TCF7L1: variants seen among roughly 807,000 people sequenced by gnomAD.
TCF7L1 encodes the protein transcription factor 7 like 1.
Under a neutral mutation model 63.7 loss-of-function variants are expected in TCF7L1, and 18 were observed. The ratio of observed to expected loss-of-function variants is 0.28; its 90% CI spans 0.20 to 0.42. The LOEUF is 0.42. Among genes scored for constraint, TCF7L1 ranks in the 10% least tolerant of loss-of-function variants. TCF7L1 has a pLI of 1.00. For missense variants in TCF7L1, 654 were observed against 779.3 expected (o/e 0.84, Z 1.91); for synonymous variants, 355 against 340.9 (o/e 1.04, Z -0.46).
At chr2:85,193,147 C>G (rs897781385) in intron 3 of TCF7L1, among the ~76,000 whole-genome samples, 1 of 152,142 alleles carries the variant, frequency 6.6e-6, no homozygotes, top group Non-Finnish European at 1.5e-5. Context: ...GTAGAGCACT[C>G]AGGCTAAAAT....
chr2:85,163,209 G>A (rs1219931369), intron 3 of TCF7L1, among the ~76,000 whole-genome samples: 6 of 152,126 alleles, frequency 3.9e-5, no homozygotes, highest in Admixed American at 6.5e-5. Context: ...GGCTTTGCTG[G>A]AATTTTCTAA....
chr2:85,243,688 T>C (rs1264374118), intron 3 of TCF7L1, among the ~76,000 whole-genome samples: 1 of 152,036 alleles, frequency 6.6e-6, no homozygotes, highest in Non-Finnish European at 1.5e-5. Context: ...GGGTCTTGGG[T>C]TCTGAGTGGG....
chr2:85,209,793 C>A (rs1184764443), intron 3 of TCF7L1, among the ~76,000 whole-genome samples: 1 of 152,168 alleles, frequency 6.6e-6, no homozygotes, highest in Non-Finnish European at 1.5e-5. Flanking sequence ...GCAGCTATTG[C>A]ATTTCCTGAT....
intron 3 of TCF7L1, among the ~76,000 whole-genome samples, chr2:85,143,684 T>C (rs1292623960): frequency 6.6e-6 from 1 of 152,222 alleles, no homozygotes; most frequent in African/African-American, 2.4e-5. Flanking sequence ...ACCCATGTGA[T>C]TTTACACACA....
At chr2:85,255,885 T>C (rs563883933) in intron 3 of TCF7L1, among the ~76,000 whole-genome samples, 1 of 152,276 alleles carries the variant, frequency 6.6e-6, no homozygotes, top group Admixed American at 6.5e-5. Flanking sequence ...TGTGCGGTGA[T>C]TGACTGGGCT....
intron 4 of TCF7L1, among the ~76,000 whole-genome samples, chr2:85,285,033 A>T (rs1681509296): frequency 6.6e-6 from 1 of 152,198 alleles, no homozygotes; most frequent in African/African-American, 2.4e-5. Context: ...GGAGATCGAT[A>T]CCATCCTGGC....
At position 85,305,148 on chromosome 2, in the gene TCF7L1, G is replaced by GC. The variant is rs138645896; in HGVS notation, c.846-108dup. On this transcript the variant is annotated intron_variant, in intron 7 of 11. Transcript: ENST00000282111. The stretch of plus-strand genomic sequence containing the variant: ...AATAGCCTTCTAGTCCTGAGACTCT[G>GC]CCCCACGGACATGCCTGTGCCCTTA... 2.0e-4 allele frequency: 291 copies of GC among 1,432,694 alleles called. No homozygotes were observed. In the African/African-American group the frequency reaches 3.8e-3, roughly 19 times the overall value. The allele number at this position is 1,432,694 out of a possible 1,614,324, so 88.7% of individuals were successfully genotyped here.
chr2:85,265,408 G>C (rs1210344414), intron 3 of TCF7L1, among the ~76,000 whole-genome samples: 1 of 152,224 alleles, frequency 6.6e-6, no homozygotes, highest in East Asian at 1.9e-4. Flanking sequence ...GTGCCAGTGA[G>C]ATCTGAGAAC....
chr2:85,201,648 C>T (rs968312230), intron 3 of TCF7L1, among the ~76,000 whole-genome samples: 1 of 152,118 alleles, frequency 6.6e-6, no homozygotes, highest in African/African-American at 2.4e-5. Flanking sequence ...TGCGTGGTCA[C>T]TTTATGTTTA....
chr2:85,147,608 C>G (rs1677911268), intron 3 of TCF7L1, among the ~76,000 whole-genome samples: 1 of 152,114 alleles, frequency 6.6e-6, no homozygotes, highest in Non-Finnish European at 1.5e-5. Flanking sequence ...GTGGTCCCAG[C>G]TGGGCCAGGG....
intron 3 of TCF7L1, among the ~76,000 whole-genome samples, chr2:85,137,566 T>C (rs55984939): frequency 0.4 from 61,007 of 152,114 alleles, 12,558 homozygotes; most frequent in Non-Finnish European, 0.43. Context: ...TTTACTAAAC[T>C]ACTTTGGGGC....
chr2:85,221,719 C>CTGTTGCA lies in TCF7L1; in HGVS notation c.442-61774_442-61768dup, dbSNP rs1312203639. 2.0e-5 allele frequency among the ~76,000 whole-genome samples: 3 copies of CTGTTGCA among 152,342 alleles called. No homozygotes were observed. The East Asian group carries it at 5.8e-4, about 29-fold the overall frequency. Reference sequence around the variant, plus strand: ...CTCTTAAAGTTTCCACTTCTCAACACTGTTGCATTATGCATTAAGTTTGCA... The same window carrying CTGTTGCA: ...CTCTTAAAGTTTCCACTTCTCAACACTGTTGCATGTTGCATTATGCATTAAGTTTGCA... On this transcript the variant is annotated intron_variant, in intron 3 of 11. Transcript: ENST00000282111.
chr2:85,308,545 CCTTCCCT>C, intron 11 of TCF7L1, among the ~76,000 whole-genome samples: 1 of 134,336 alleles, frequency 7.4e-6, no homozygotes, highest in South Asian at 2.7e-4. Context: ...CTCCCTTTCT[CCTTCCCT>C]CCCTCCCTAT....
At chr2:85,197,932 C>T (rs1489419797) in intron 3 of TCF7L1, among the ~76,000 whole-genome samples, 1 of 152,110 alleles carries the variant, frequency 6.6e-6, no homozygotes, top group Non-Finnish European at 1.5e-5. Context: ...GTGTTGGGTG[C>T]CTGAGTGAGG....
chr2:85,156,601 T>C lies in TCF7L1; in HGVS notation c.441+22151T>C, dbSNP rs190183768. On this transcript the variant is annotated intron_variant, in intron 3 of 11. Coordinates refer to ENST00000282111, the MANE Select transcript of TCF7L1 (RefSeq NM_031283.3). ...AGTCTTTACGAGCACAGTAACCGTT[T>C]TACAGATGTAAAGAAGCTCAAAAGT... 2.6e-4 allele frequency among the ~76,000 whole-genome samples: 40 copies of C among 152,352 alleles called. No homozygotes were observed. The East Asian group carries it at 7.1e-3, about 27-fold the overall frequency.
chr2:85,278,475 AG>A (rs1681333680), intron 3 of TCF7L1, among the ~76,000 whole-genome samples: 2 of 152,262 alleles, frequency 1.3e-5, no homozygotes, highest in African/African-American at 2.4e-5. Flanking sequence ...ATGACCAAAT[AG>A]GGCTTACCTG....
chr2:85,150,901 C>T (rs76184175), intron 3 of TCF7L1, among the ~76,000 whole-genome samples: 2,817 of 152,266 alleles, frequency 0.019, 29 homozygotes, highest in Non-Finnish European at 0.029. Flanking sequence ...ACAATTTCCA[C>T]TGTGACAGTT....
Position 85,276,880 on chromosome 2 carries a change from C to A in TCF7L1, c.442-6615C>A, listed in dbSNP as rs1681284199. Among the ~76,000 whole-genome samples the A allele has an allele frequency of 2.0e-5, 3 of 152,126 alleles. 1 individual carries two copies. The highest frequency in any genetic ancestry group is 2.0e-4 in the Admixed American group (3 of 15,276). On this transcript the variant is annotated intron_variant, in intron 3 of 11. Transcript: ENST00000282111. ...GCTATGGAAACACCGTGTACCGCTTCTCGAGAGCGACAGACTCATGGAGGC... is the reference window on the plus strand; with the variant it reads ...GCTATGGAAACACCGTGTACCGCTTATCGAGAGCGACAGACTCATGGAGGC...
chr2:85,294,887 A>G lies in TCF7L1; in HGVS notation c.526-7597A>G, dbSNP rs548637080. On this transcript the variant is annotated intron_variant, in intron 4 of 11. Transcript: ENST00000282111. ...ACCTTTACTAAAAATAAAAAAAATT[A>G]GCCGGGCATGGTGGCACATACCTGC... Among the ~76,000 whole-genome samples the G allele has an allele frequency of 3.9e-5, 6 of 152,102 alleles. No homozygotes were observed. The East Asian group carries it at 1.2e-3, about 30-fold the overall frequency.
Sources: allele counts gnomAD v4.1 joint callset (sites outside exome capture counted in the v4.1 genomes callset), GRCh38; gene constraint gnomAD v4.1.1; transcripts MANE v1.5; gene names NCBI Gene and HGNC (gene_info 2026-07-23, HGNC 2026-07-21).